Variants in SLC10A7 observed in about 807,000 individuals in gnomAD.
SLC10A7 encodes sodium/bile acid cotransporter 7.
In SLC10A7, 29 loss-of-function variants were observed where a neutral mutation model predicts 43.2. That is an observed-to-expected ratio of 0.67 (90% CI 0.50 to 0.92). The LOEUF (loss-of-function observed/expected upper bound fraction) is 0.92. Among genes scored for constraint, SLC10A7 ranks in the 40% least tolerant of loss-of-function variants. The probability of loss-of-function intolerance (pLI) is 0.00; values close to 1 mark genes in which losing one functional copy is unlikely to be tolerated. For missense variants in SLC10A7, 295 were observed against 403.2 expected (o/e 0.73, Z 2.30); for synonymous variants, 152 against 144.8 (o/e 1.05, Z -0.35).
intron 7 of SLC10A7, among the ~76,000 whole-genome samples, chr4:146,302,584 GCT>G (rs1731235167): frequency 6.6e-6 from 1 of 152,178 alleles, no homozygotes; most frequent in South Asian, 2.1e-4. Context: ...TTCAAAGAAG[GCT>G]TCATTAAAGA....
intron 5 of SLC10A7, among the ~76,000 whole-genome samples, chr4:146,401,775 G>T (rs759837528): frequency 2.6e-5 from 4 of 152,106 alleles, no homozygotes; most frequent in Non-Finnish European, 4.4e-5. Flanking sequence ...AAATCGAGAA[G>T]AAATAACATG....
At chr4:146,430,820 C>T (rs1415380853) in intron 5 of SLC10A7, among the ~76,000 whole-genome samples, 1 of 152,124 alleles carries the variant, frequency 6.6e-6, no homozygotes, top group Non-Finnish European at 1.5e-5. Context: ...CTTTGACTTT[C>T]TAATTTCCAA....
intron 5 of SLC10A7, among the ~76,000 whole-genome samples, chr4:146,349,739 T>G (rs1213712058): frequency 6.6e-6 from 1 of 152,168 alleles, no homozygotes; most frequent in Non-Finnish European, 1.5e-5. Flanking sequence ...GCCATTATCC[T>G]AAGCAAATTA....
chr4:146,480,352 T>C (rs977807100), intron 4 of SLC10A7, among the ~76,000 whole-genome samples: 1 of 152,166 alleles, frequency 6.6e-6, no homozygotes, highest in African/African-American at 2.4e-5. Context: ...TTCAGTTTGC[T>C]GTATTTAAAA....
rs115063931 is a variant in SLC10A7, at chr4:146,505,396, C to T, written c.321-1472G>A. Reference sequence around the variant, plus strand: ...TGTAATATATGAAATATATATTAATCGACTCTTTATATTATAGGTAAGGCC... The same window carrying T: ...TGTAATATATGAAATATATATTAATTGACTCTTTATATTATAGGTAAGGCC... On this transcript the variant is annotated intron_variant, in intron 3 of 11. Coordinates refer to ENST00000335472, the MANE Select transcript of SLC10A7 (RefSeq NM_001029998.6). Among the ~76,000 whole-genome samples, 406 of 151,890 alleles carry T rather than the reference C, an allele frequency of 2.7e-3. 4 individuals are homozygous for T. The highest frequency in any genetic ancestry group is 9.5e-3 in the African/African-American group (394 of 41,388).
chr4:146,517,709 A>G (rs981512977), intron 1 of SLC10A7, among the ~76,000 whole-genome samples: 1 of 152,186 alleles, frequency 6.6e-6, no homozygotes, highest in South Asian at 2.1e-4. Flanking sequence ...ACATCCTTCA[A>G]TAGAGGTCCT....
intron 10 of SLC10A7, among the ~76,000 whole-genome samples, chr4:146,262,157 A>T (rs545905143): frequency 2.0e-4 from 31 of 151,886 alleles, no homozygotes; most frequent in South Asian, 1.2e-3. Flanking sequence ...CTTTCTTTCA[A>T]CCTCTCCCCC....
chr4:146,358,312 TG>T (rs993722481), intron 5 of SLC10A7, among the ~76,000 whole-genome samples: 1 of 152,146 alleles, frequency 6.6e-6, no homozygotes, highest in Non-Finnish European at 1.5e-5. Flanking sequence ...TGTGAGTTGA[TG>T]TGGGAGGGAA....
intron 4 of SLC10A7, among the ~76,000 whole-genome samples, chr4:146,474,286 A>G (rs923504898): frequency 1.3e-5 from 2 of 152,186 alleles, no homozygotes; most frequent in Non-Finnish European, 2.9e-5. Context: ...TATGTGTTAA[A>G]CAACAAAATT....
Position 146,299,253 on chromosome 4 carries a change from C to T in SLC10A7, c.556-5158G>A, listed in dbSNP as rs79068228. ...AGCCTGCCATGCAGGACACCTGATTCCTCTGAACTAGCACATATGTGTACG... is the reference window on the plus strand; with the variant it reads ...AGCCTGCCATGCAGGACACCTGATTTCTCTGAACTAGCACATATGTGTACG... On this transcript the variant is annotated intron_variant, in intron 7 of 11. Coordinates refer to ENST00000335472, the MANE Select transcript of SLC10A7 (RefSeq NM_001029998.6). 3.4e-4 allele frequency among the ~76,000 whole-genome samples: 52 copies of T among 152,298 alleles called. No homozygotes were observed. The East Asian group carries it at 9.5e-3, about 28-fold the overall frequency.
intron 5 of SLC10A7, among the ~76,000 whole-genome samples, chr4:146,332,310 C>A (rs1214916027): frequency 6.6e-6 from 1 of 152,188 alleles, no homozygotes; most frequent in East Asian, 1.9e-4. Context: ...CCAGTTAATT[C>A]TCTCTAGTCT....
At chr4:146,483,675 G>A (rs573711619) in intron 4 of SLC10A7, among the ~76,000 whole-genome samples, 82 of 151,908 alleles carry the variant, frequency 5.4e-4, no homozygotes, top group African/African-American at 1.9e-3. Flanking sequence ...GACATAGAGA[G>A]GATGATTGGA....
chr4:146,503,412 C>A (rs569008425), intron 4 of SLC10A7, among the ~76,000 whole-genome samples: 1 of 152,196 alleles, frequency 6.6e-6, no homozygotes, highest in Non-Finnish European at 1.5e-5. Flanking sequence ...AGAAACCTAA[C>A]CTAATTTCTT....
At chr4:146,478,718 G>T (rs1039991297) in intron 4 of SLC10A7, among the ~76,000 whole-genome samples, 4 of 152,140 alleles carry the variant, frequency 2.6e-5, no homozygotes, top group Non-Finnish European at 5.9e-5. Flanking sequence ...TTCTAGCTGG[G>T]ATTTTTGAAA....
intron 5 of SLC10A7, among the ~76,000 whole-genome samples, chr4:146,385,226 T>C (rs1737907804): frequency 6.6e-6 from 1 of 152,150 alleles, no homozygotes; most frequent in Non-Finnish European, 1.5e-5. Context: ...GAGATATTGT[T>C]ACTAAATTCT....
chr4:146,328,860 C>T (rs1733341128), intron 5 of SLC10A7, among the ~76,000 whole-genome samples: 1 of 152,070 alleles, frequency 6.6e-6, no homozygotes, highest in African/African-American at 2.4e-5. Flanking sequence ...TTGGAAGAAG[C>T]AACTGTTATG....
At chr4:146,360,126 T>C (rs1016884065) in intron 5 of SLC10A7, among the ~76,000 whole-genome samples, 5 of 152,140 alleles carry the variant, frequency 3.3e-5, no homozygotes. Context: ...CTAATCAACT[T>C]ACCAAAGACT....
intron 3 of SLC10A7, among the ~76,000 whole-genome samples, chr4:146,504,375 C>T (rs924883855): frequency 3.3e-5 from 5 of 151,846 alleles, no homozygotes; most frequent in East Asian, 1.9e-4. Context: ...AAAAATTAGC[C>T]GGGCACAGTG....
At chr4:146,351,242 C>A (rs1252544665) in intron 5 of SLC10A7, among the ~76,000 whole-genome samples, 1 of 149,290 alleles carries the variant, frequency 6.7e-6, no homozygotes, top group East Asian at 2.0e-4. Context: ...AATGCAGAAG[C>A]CTCAGGAGCT....
Sources: gnomAD v4.1 joint callset for allele counts (sites outside exome capture counted in the v4.1 genomes callset) on GRCh38, gnomAD v4.1.1 for gene constraint, MANE v1.5 for transcripts, NCBI Gene and HGNC (gene_info 2026-07-23, HGNC 2026-07-21) for gene names.